CEP112: variants seen among roughly 807,000 people sequenced by gnomAD.
CEP112 encodes the protein centrosomal protein 112.
Under a neutral mutation model 153.0 loss-of-function variants are expected in CEP112, and 127 were observed. The ratio of observed to expected loss-of-function variants is 0.83; its 90% CI spans 0.72 to 0.96. CEP112 has a LOEUF of 0.96. CEP112 is among the 40% of genes least tolerant of loss of function. The pLI, the probability that CEP112 is intolerant of heterozygous loss-of-function variation, is 0.00. For missense variants in CEP112, 1,089 were observed against 1,101.2 expected (o/e 0.99, Z 0.16); for synonymous variants, 358 against 374.4 (o/e 0.96, Z 0.51).
chr17:66,086,091 A>T (rs2067917665), intron 8 of CEP112, among the ~76,000 whole-genome samples: 2 of 152,112 alleles, frequency 1.3e-5, no homozygotes, highest in South Asian at 4.1e-4. Context: ...TTAAATTTTC[A>T]GCAATAATTA....
intron 20 of CEP112, among the ~76,000 whole-genome samples, chr17:65,866,732 T>C (rs534867874): frequency 4.6e-5 from 7 of 151,952 alleles, no homozygotes; most frequent in Admixed American, 6.6e-5. Context: ...TGAACACTCA[T>C]TGGGACAACC....
At chr17:65,979,234 T>TTTTA (rs1272064224) in intron 17 of CEP112, among the ~76,000 whole-genome samples, 2 of 151,436 alleles carry the variant, frequency 1.3e-5, no homozygotes, top group Admixed American at 1.3e-4. Flanking sequence ...TTATTTTTAA[T>TTTTA]TTTATTTATT....
chr17:65,832,795 T>C (rs1007135145), intron 21 of CEP112, among the ~76,000 whole-genome samples: 1 of 152,108 alleles, frequency 6.6e-6, no homozygotes, highest in African/African-American at 2.4e-5. Context: ...CTGCTACCAT[T>C]CCTACTGAAA....
At chr17:65,960,364 AC>A (rs1401939863) in intron 18 of CEP112, among the ~76,000 whole-genome samples, 10 of 152,344 alleles carry the variant, frequency 6.6e-5, no homozygotes, top group South Asian at 2.1e-4. Context: ...AAACAAAAAA[AC>A]ATTTATGCCT....
intron 21 of CEP112, among the ~76,000 whole-genome samples, chr17:65,812,901 C>G (rs1480181174): frequency 2.6e-5 from 4 of 152,008 alleles, no homozygotes; most frequent in Non-Finnish European, 5.9e-5. Context: ...TTTTTTTGAA[C>G]TTTTCTAGGA....
chr17:65,924,320 GTA>G (rs1343085930), intron 19 of CEP112, among the ~76,000 whole-genome samples: 1 of 151,968 alleles, frequency 6.6e-6, no homozygotes, highest in Non-Finnish European at 1.5e-5. Flanking sequence ...ACTTTTTTCA[GTA>G]TTACAAATAA....
intron 21 of CEP112, among the ~76,000 whole-genome samples, chr17:65,833,759 A>C (rs1230370422): frequency 2.0e-5 from 3 of 152,218 alleles, no homozygotes; most frequent in Non-Finnish European, 1.5e-5. Flanking sequence ...TGGAAGAACC[A>C]ATATCATTAA....
intron 23 of CEP112, among the ~76,000 whole-genome samples, chr17:65,736,691 T>C (rs965098983): frequency 6.6e-6 from 1 of 152,180 alleles, no homozygotes; most frequent in Non-Finnish European, 1.5e-5. Flanking sequence ...AGGCTAGTCA[T>C]GTGCAGATTA....
At position 65,836,950 on chromosome 17, in the gene CEP112, G is replaced by A. The variant is rs936213161; in HGVS notation, c.2394+14854C>T. Among the ~76,000 whole-genome samples the A allele has an allele frequency of 3.3e-5, 5 of 152,112 alleles. 1 individual carries two copies. Among genetic ancestry groups the A allele is most frequent in the Non-Finnish European group, 7.3e-5 (5 of 68,030 alleles). ...GCCCAGTGCCTGGGATTGCAGGTGC[G>A]CGCCGCCACGCCTGACTGGTTTTCG... On this transcript the variant is annotated intron_variant, in intron 21 of 26. Transcript: ENST00000535342.
intron 23 of CEP112, among the ~76,000 whole-genome samples, chr17:65,714,927 G>T (rs2049411294): frequency 6.6e-6 from 1 of 152,080 alleles, no homozygotes; most frequent in Non-Finnish European, 1.5e-5. Flanking sequence ...TAGGGGAGCT[G>T]TATGAATAGA....
intron 24 of CEP112, 31 bp downstream of exon 24, chr17:65,689,098 C>T (rs751990245): frequency 2.0e-6 from 3 of 1,482,272 alleles, no homozygotes; most frequent in African/African-American, 2.8e-5. Context: ...AGAAAGTAAA[C>T]AAGAGAGTCA....
intron 21 of CEP112, among the ~76,000 whole-genome samples, chr17:65,760,995 C>T (rs2052581548): frequency 6.6e-6 from 1 of 152,016 alleles, no homozygotes; most frequent in Admixed American, 6.6e-5. Context: ...GTGTTTTTGG[C>T]AGATTGTGTC....
intron 24 of CEP112, among the ~76,000 whole-genome samples, chr17:65,680,062 T>C (rs2047439903): frequency 1.3e-5 from 2 of 152,198 alleles, no homozygotes; most frequent in Non-Finnish European, 2.9e-5. Context: ...TTTGGCCTTC[T>C]TATAGGAGAG....
At chr17:65,659,273 CAG>C (rs376046410) in intron 24 of CEP112, among the ~76,000 whole-genome samples, 14 of 152,104 alleles carry the variant, frequency 9.2e-5, no homozygotes, top group African/African-American at 3.4e-4. Flanking sequence ...CTGATTTAGA[CAG>C]AGAGTTCTGA....
intron 20 of CEP112, among the ~76,000 whole-genome samples, chr17:65,859,297 G>A (rs2058224088): frequency 6.6e-6 from 1 of 151,782 alleles, no homozygotes; most frequent in Admixed American, 6.6e-5. Context: ...AAAAGTAGCT[G>A]GGCGGGGTGG....
At chr17:66,097,020 C>T (rs913354819) in intron 6 of CEP112, among the ~76,000 whole-genome samples, 11 of 152,130 alleles carry the variant, frequency 7.2e-5, no homozygotes, top group African/African-American at 2.7e-4. Context: ...AAGCACACAC[C>T]TATTTGTTCT....
Position 66,004,755 on chromosome 17 carries a change from A to C in CEP112, c.1736+935T>G, listed in dbSNP as rs2064202176. ...ATGGTTATGCAATCTTCCCAGGCAG[A>C]ATTCGATACTAAATGTGTTTGATCT... On this transcript the variant is annotated intron_variant, in intron 17 of 26. Coordinates refer to ENST00000535342, the MANE Select transcript of CEP112 (RefSeq NM_001199165.4). Among the ~76,000 whole-genome samples the C allele has an allele frequency of 2.0e-5, 3 of 152,350 alleles. No homozygotes were observed. In the South Asian group the frequency reaches 6.2e-4, roughly 32 times the overall value.
At chr17:65,976,065 T>C (rs1022441558) in intron 17 of CEP112, among the ~76,000 whole-genome samples, 1 of 152,218 alleles carries the variant, frequency 6.6e-6, no homozygotes, top group African/African-American at 2.4e-5. Context: ...TGCCCTTTCT[T>C]CACACACACT....
At chr17:66,086,276 G>A (rs1017059763) in intron 8 of CEP112, among the ~76,000 whole-genome samples, 3 of 151,524 alleles carry the variant, frequency 2.0e-5, no homozygotes, top group African/African-American at 7.3e-5. Context: ...ATAGGGACAT[G>A]TAAGGCTCTA....
Sources: allele counts gnomAD v4.1 joint callset (sites outside exome capture counted in the v4.1 genomes callset), GRCh38; gene constraint gnomAD v4.1.1; transcripts MANE v1.5; gene names NCBI Gene and HGNC (gene_info 2026-07-23, HGNC 2026-07-21).